Variants in XKR7 observed in about 807,000 individuals in gnomAD.
XKR7 encodes the protein XK-related protein 7.
A neutral mutation model predicts 42.2 loss-of-function variants in XKR7; 11 were observed. The observed-to-expected ratio is 0.26, with a 90% confidence interval of 0.16 to 0.43. The LOEUF (loss-of-function observed/expected upper bound fraction) is 0.43, where lower values mean the gene tolerates loss of function less well. XKR7 is among the 20% of genes least tolerant of loss of function. XKR7 has a pLI of 1.00. For synonymous variants in XKR7, 346 were observed against 366.4 expected, an observed-to-expected ratio of 0.94 and a Z score of 0.64; for missense variants, 710 against 802.2, an observed-to-expected ratio of 0.89 and a Z score of 1.39.
intron 1 of XKR7, among the ~76,000 whole-genome samples, chr20:31,991,098 AGTGGGCAGGGAG>A (rs760168194): frequency 2.0e-4 from 30 of 152,152 alleles, no homozygotes; most frequent in Non-Finnish European, 3.2e-4. Flanking sequence ...AGGGGGCAGG[AGTGGGCAGGGAG>A]GTGGGCAGGT....
In XKR7 at chr20:31,978,980, C is replaced by A. The variant is rs551187102; in HGVS notation, c.584+10221C>A. Among the ~76,000 whole-genome samples the A allele has an allele frequency of 2.0e-5, 3 of 151,896 alleles. No homozygotes were observed. In the East Asian group the frequency reaches 5.8e-4, roughly 29 times the overall value. On this transcript the variant is annotated intron_variant, in intron 1 of 2. Transcript: ENST00000562532. ...TGAAACCCTGTCTCTACTAAAAATA[C>A]AAAAATTAGCTGGGCATGGTGGCAC...
intron 1 of XKR7, among the ~76,000 whole-genome samples, chr20:31,981,192 C>T (rs2122260480): frequency 6.7e-6 from 1 of 149,964 alleles, no homozygotes; most frequent in Non-Finnish European, 1.5e-5. Flanking sequence ...TGGTGAAACC[C>T]TGTCTCTACA....
chr20:31,979,134 CA>C (rs34871534), intron 1 of XKR7, among the ~76,000 whole-genome samples: 70,633 of 131,786 alleles, frequency 0.54, 19,697 homozygotes, highest in African/African-American at 0.81. Context: ...GACTCTGTCT[CA>C]AAAAAAAAAA....
chr20:31,985,305 G>A (rs2064532533), intron 1 of XKR7, among the ~76,000 whole-genome samples: 2 of 152,150 alleles, frequency 1.3e-5, no homozygotes, highest in South Asian at 4.1e-4. Flanking sequence ...GGAAGCTGCT[G>A]TGTGTTTGGC....
chr20:31,974,929 T>C (rs1600655843), intron 1 of XKR7, among the ~76,000 whole-genome samples: 1 of 151,862 alleles, frequency 6.6e-6, no homozygotes, highest in East Asian at 1.9e-4. Context: ...CCCTGCCTCC[T>C]CCCCTTGCCC....
At chr20:31,973,769 G>T (rs555456868) in intron 1 of XKR7, among the ~76,000 whole-genome samples, 3 of 152,198 alleles carry the variant, frequency 2.0e-5, no homozygotes, top group Non-Finnish European at 4.4e-5. Context: ...GGTCATGCAG[G>T]GCCTCAGAGG....
chr20:31,972,844 G>A (rs1323425773), intron 1 of XKR7, among the ~76,000 whole-genome samples: 1 of 152,214 alleles, frequency 6.6e-6, no homozygotes, highest in Non-Finnish European at 1.5e-5. Flanking sequence ...TGACAGAGAA[G>A]TTCTGGAATG....
rs532152010 is a variant in XKR7, at chr20:31,968,659, G to C, written c.484G>C (p.Ala162Pro). 6.3e-7 allele frequency: 1 copy of C among 1,575,810 alleles called. No homozygotes were observed. Among genetic ancestry groups the C allele is most frequent in the South Asian group, 1.1e-5 (1 of 88,484 alleles). Residue 162 changes from alanine to proline, a missense_variant, in exon 1 of 3, where the codon GCG (alanine) becomes CCG (proline). Physicochemically the swap from Ala to Pro is conservative, Grantham distance 27 (BLOSUM62 -1). Coordinates refer to ENST00000562532, the MANE Select transcript of XKR7 (RefSeq NM_001011718.2). This position sits in a 1 kb window ranked among gnomAD's most constrained non-coding sequence, Gnocchi z 4.5. ...EGSPEPGPQP[A>P]PSSASAYRRR... ...CAGCCCCGAGCCGGGTCCCCAGCCT[G>C]CGCCCTCCTCGGCCAGCGCCTACCG...
intron 1 of XKR7, among the ~76,000 whole-genome samples, chr20:31,986,007 A>C (rs1025728716): frequency 5.0e-5 from 7 of 141,058 alleles, no homozygotes; most frequent in Non-Finnish European, 7.6e-5. Context: ...CCCAGCATCC[A>C]AGACACAGAC....
chr20:31,983,844 G>A (rs2122263995), intron 1 of XKR7, among the ~76,000 whole-genome samples: 1 of 152,260 alleles, frequency 6.6e-6, no homozygotes, highest in South Asian at 2.1e-4. Flanking sequence ...CTACTTGGAA[G>A]GCTGAGGCAG....
rs969155789 is a variant in XKR7 at position 31,999,569 on chromosome 20, C to G, written c.*2112C>G. 1 of 152,198 alleles carries G rather than the reference C, an allele frequency of 6.6e-6. No individual in the cohort carries two copies. Among genetic ancestry groups the G allele is most frequent in the Non-Finnish European group, 1.5e-5 (1 of 68,046 alleles). 9.4% of individuals were successfully genotyped at this position (152,198 alleles called of 1,614,324 possible). On this transcript the variant is annotated 3_prime_UTR_variant, in exon 3 of 3. Coordinates refer to ENST00000562532, the MANE Select transcript of XKR7 (RefSeq NM_001011718.2). ...CACTCTGTTGGGTTCATCCATCCTC[C>G]AAATCCATCTTTGGAGGCTGAATTC...
intron 1 of XKR7, among the ~76,000 whole-genome samples, chr20:31,988,683 A>T (rs932354881): frequency 2.8e-4 from 43 of 152,166 alleles, no homozygotes; most frequent in African/African-American, 1.0e-3. Context: ...AGCATGGACT[A>T]CAGTGTCTGG....
In XKR7 at chr20:31,995,436, C is replaced by T. The variant is rs940186026; in HGVS notation, c.787+166C>T. 6.6e-6 allele frequency among the ~76,000 whole-genome samples: 1 copy of T among 152,018 alleles called. No individual in the cohort carries two copies. Among genetic ancestry groups the T allele is most frequent in the Non-Finnish European group, 1.5e-5 (1 of 67,968 alleles). On this transcript the variant is annotated intron_variant, in intron 2 of 2. Transcript: ENST00000562532. The surrounding 1 kb of genome is among the most constrained non-coding windows in gnomAD (Gnocchi z 4.1). ...CTTCTACCCTCACCACCCTCCAGGC[C>T]TCTCGAGACCCCCGCGTCCCCTTCG... is the stretch of plus-strand genomic sequence containing the variant.
At chr20:31,977,640 A>G (rs1401818762) in intron 1 of XKR7, among the ~76,000 whole-genome samples, 1 of 152,228 alleles carries the variant, frequency 6.6e-6, no homozygotes, top group South Asian at 2.1e-4. Context: ...CTACTTGCTT[A>G]GTAACAAGAT....
intron 1 of XKR7, among the ~76,000 whole-genome samples, chr20:31,974,406 G>T (rs1387294029): frequency 1.3e-5 from 2 of 152,074 alleles, no homozygotes; most frequent in African/African-American, 4.8e-5. Context: ...AGAGTTAATG[G>T]TTCAGCATCC....
chr20:31,988,829 G>T (rs1222631792), intron 1 of XKR7, among the ~76,000 whole-genome samples: 1 of 152,210 alleles, frequency 6.6e-6, no homozygotes, highest in Admixed American at 6.5e-5. Context: ...GGAGGAGCCT[G>T]TGAGGTGTCC....
chr20:31,987,001 C>A (rs2064544826), intron 1 of XKR7, among the ~76,000 whole-genome samples: 1 of 147,372 alleles, frequency 6.8e-6, no homozygotes, highest in South Asian at 2.2e-4. Flanking sequence ...ATCCAGTATC[C>A]AAGGCACAGA....
chr20:31,979,718 C>T (rs1373664249), intron 1 of XKR7, among the ~76,000 whole-genome samples: 1 of 152,140 alleles, frequency 6.6e-6, no homozygotes, highest in Non-Finnish European at 1.5e-5. Flanking sequence ...CTGCCTTGGT[C>T]CCGTGATACC....
intron 1 of XKR7, among the ~76,000 whole-genome samples, chr20:31,985,481 C>T (rs1006912461): frequency 6.6e-6 from 1 of 151,904 alleles, no homozygotes; most frequent in East Asian, 1.9e-4. Context: ...AACTGGCAGT[C>T]ACACCAAGCC....
Sources: allele counts gnomAD v4.1 joint callset (sites outside exome capture counted in the v4.1 genomes callset), GRCh38; gene constraint gnomAD v4.1.1; non-coding constraint Gnocchi (gnomAD v3.1); transcripts MANE v1.5; gene names NCBI Gene and HGNC (gene_info 2026-07-23, HGNC 2026-07-21).